The following CCNB3 variants were observed in gnomAD, a reference collection of about 807,000 sequenced individuals.
CCNB3 encodes G2/mitotic-specific cyclin-B3.
In CCNB3, 12 loss-of-function variants were observed where a neutral mutation model predicts 68.0. The observed-to-expected ratio is 0.18, with a 90% CI of 0.11 to 0.29. The LOEUF (loss-of-function observed/expected upper bound fraction) is 0.29, where lower values mean the gene tolerates loss of function less well. CCNB3 is among the 10% of genes least tolerant of loss of function. The probability of loss-of-function intolerance (pLI) is 1.00; values close to 1 mark genes in which losing one functional copy is unlikely to be tolerated. For synonymous variants in CCNB3, 354 were observed against 388.9 expected (o/e 0.91, Z 1.06); for missense variants, 904 against 993.1 (o/e 0.91, Z 1.21).
chrX:50,207,155 A>G (rs76983157), intron 1 of CCNB3, among the ~76,000 whole-genome samples: 2 of 111,881 alleles, frequency 1.8e-5, no homozygotes, highest in Non-Finnish European at 3.8e-5. Flanking sequence ...TTATGAAGAT[A>G]TGTATAGGTT....
At chrX:50,227,837 A>G (rs1489507070) in intron 1 of CCNB3, among the ~76,000 whole-genome samples, 1 of 85,789 alleles carries the variant, frequency 1.2e-5, no homozygotes, top group Admixed American at 1.6e-4. Flanking sequence ...ATAAATATAT[A>G]TAGAGAATAT....
intron 1 of CCNB3, among the ~76,000 whole-genome samples, chrX:50,226,327 G>A (rs1407220796): frequency 3.0e-5 from 1 of 33,053 alleles, no homozygotes; most frequent in Non-Finnish European, 5.2e-5. Flanking sequence ...CATATATATA[G>A]AAATATATAT....
At chrX:50,286,869 C>T (rs1346844370) in intron 3 of CCNB3, among the ~76,000 whole-genome samples, 2 of 110,920 alleles carry the variant, frequency 1.8e-5, no homozygotes, top group Admixed American at 1.9e-4. Context: ...CGAACGGTCT[C>T]AATCACTTGA....
chrX:50,228,475 A>G (rs1300926572), intron 1 of CCNB3, among the ~76,000 whole-genome samples: 2 of 91,814 alleles, frequency 2.2e-5, no homozygotes, highest in Admixed American at 1.4e-4. Context: ...ATATATCTAT[A>G]TAGAATATGT....
chrX:50,209,295 T>G (rs1557206001), intron 1 of CCNB3, among the ~76,000 whole-genome samples: 1 of 111,617 alleles, frequency 9.0e-6, no homozygotes, highest in Non-Finnish European at 1.9e-5. Flanking sequence ...TTAAGAACAC[T>G]TAACATGATA....
In CCNB3 at chrX:50,315,725, C is replaced by T. The variant is rs554424742; in HGVS notation, c.3516+1777C>T. On this transcript the variant is annotated intron_variant, in intron 8 of 12. Transcript: ENST00000376042. ...TTAAGGTACAGAACTGTTCCATCGC[C>T]ACAAGGATCCCTCATGCCACTTTTT... Among the ~76,000 whole-genome samples the T allele has an allele frequency of 3.6e-5, 4 of 111,811 alleles. No homozygotes were observed. In the South Asian group the frequency reaches 1.1e-3, roughly 31 times the overall value.
At chrX:50,294,528 G>A (rs1557210545) in intron 4 of CCNB3, among the ~76,000 whole-genome samples, 1 of 111,476 alleles carries the variant, frequency 9.0e-6, no homozygotes, top group Non-Finnish European at 1.9e-5. Context: ...GGAGTATGAT[G>A]TTAACACGGC....
chrX:50,312,964 A>G (rs1921547191), intron 7 of CCNB3, among the ~76,000 whole-genome samples: 1 of 110,757 alleles, frequency 9.0e-6, no homozygotes, highest in Admixed American at 9.7e-5. Flanking sequence ...CTGTACATCT[A>G]ATTGCTAAGA....
intron 5 of CCNB3, among the ~76,000 whole-genome samples, chrX:50,304,614 C>T (rs574000729): frequency 1.5e-4 from 17 of 111,936 alleles, no homozygotes; most frequent in African/African-American, 4.9e-4. Context: ...ATGTCTAAAA[C>T]ACCAAAAGCA....
intron 8 of CCNB3, among the ~76,000 whole-genome samples, chrX:50,330,635 G>A (rs1557217942): frequency 8.9e-6 from 1 of 112,158 alleles, no homozygotes; most frequent in African/African-American, 3.2e-5. Flanking sequence ...ACAGGGAGTA[G>A]TAAGCAGGTT....
At position 50,308,529 on chromosome X, in the gene CCNB3, A is replaced by G; in HGVS notation, c.360A>G (p.Val120=). The G allele has an allele frequency of 8.3e-7, 1 of 1,203,791 alleles. No individual in the cohort carries two copies. Among genetic ancestry groups the G allele is most frequent in the Non-Finnish European group, 1.1e-6 (1 of 889,874 alleles). ...LKWHKLEVTP[V]VASTTVVPNI... Reference sequence around the variant, plus strand: ...GGCATAAGCTGGAAGTCACACCAGTAGTAGCCTCTACTACCGTGGTACCAA... The same window carrying G: ...GGCATAAGCTGGAAGTCACACCAGTGGTAGCCTCTACTACCGTGGTACCAA... Residue 120 remains valine (V), a synonymous_variant, in exon 6 of 13, where the codon GTA becomes GTG. Coordinates refer to ENST00000376042, the MANE Select transcript of CCNB3 (RefSeq NM_033031.3).
intron 6 of CCNB3, among the ~76,000 whole-genome samples, chrX:50,311,848 T>C (rs1921479229): frequency 9.0e-6 from 1 of 111,063 alleles, no homozygotes. Context: ...GACTTCCTGA[T>C]TGGCACAGTG....
chrX:50,351,520 A>G (rs782427111), intron 12 of CCNB3, 87 bp from the exon 13 acceptor site: 1 of 1,045,450 alleles, frequency 9.6e-7, no homozygotes, highest in Non-Finnish European at 1.3e-6. Context: ...AAGATAGGAA[A>G]CTAAGGGCTG....
Position 50,309,562 on chromosome X carries a change from T to C in CCNB3, c.1393T>C (p.Ser465Pro). The change falls in exon 6 of 13, where the codon TCA becomes CCA. Residue 465 changes from serine to proline, a missense_variant. By Grantham distance (74) the Ser-to-Pro change is moderately conservative. Around this residue, in one of 2 missense-constraint regions of CCNB3, gnomAD observed 619 missense variants for 609.8 expected, o/e 1.02. Transcript: ENST00000376042. ...CTTGCTAAAGTCTCCAACTGAGGAG[T>C]CACCTTTTGATGAGGCTTTGGCTTT... ...SSLLKSPTEE[S>P]PFDEALAFTK... The C allele has an allele frequency of 8.3e-7, 1 of 1,208,886 alleles. No homozygotes were observed. The highest frequency in any genetic ancestry group is 1.8e-5 in the South Asian group (1 of 56,745).
chrX:50,344,065 GCT>G lies in CCNB3; in HGVS notation c.3654+1727_3654+1728del, dbSNP rs1923271209. Among the ~76,000 whole-genome samples the G allele has an allele frequency of 5.4e-5, 6 of 112,105 alleles. 1 individual carries two copies. In the South Asian group the frequency reaches 2.3e-3, roughly 42 times the overall value. On this transcript the variant is annotated intron_variant, in intron 9 of 12. Coordinates refer to ENST00000376042, the MANE Select transcript of CCNB3 (RefSeq NM_033031.3). ...AGTGTACTGGTTTTAAATCTTTTAT[GCT>G]GTATTGTTACTGTACTTTTTCTGTT...
In CCNB3 at chrX:50,226,170, T is replaced by C. The variant is rs1201253801; in HGVS notation, c.-113+21220T>C. Among the ~76,000 whole-genome samples the C allele has an allele frequency of 9.5e-5, 6 of 62,865 alleles. 1 individual carries two copies. The highest frequency in any genetic ancestry group is 3.7e-4 in the African/African-American group (6 of 16,433). The allele number at this position is 62,865 out of a possible 115,157, so 54.6% of individuals were successfully genotyped here. On this transcript the variant is annotated intron_variant, in intron 1 of 12. Coordinates refer to ENST00000376042, the MANE Select transcript of CCNB3 (RefSeq NM_033031.3). ...TCTATATATATGAATATATATCGAA[T>C]ATACATATATAGATATATAAATATA...
chrX:50,300,385 G>A lies in CCNB3; in HGVS notation c.335+5392G>A, dbSNP rs782467542. On this transcript the variant is annotated intron_variant, in intron 5 of 12. Coordinates refer to ENST00000376042, the MANE Select transcript of CCNB3 (RefSeq NM_033031.3). ...CTGTAAAGGATTTTATTTCTCCTTT[G>A]CTTATGAAGCTTAGTTTGGGTGGAT... Among the ~76,000 whole-genome samples, 16 of 110,812 alleles carry A rather than the reference G, an allele frequency of 1.4e-4. No homozygotes were observed. In the South Asian group the frequency reaches 3.9e-3, roughly 27 times the overall value.
chrX:50,227,837 A>ATG (rs2147001254), intron 1 of CCNB3, among the ~76,000 whole-genome samples: 1 of 85,777 alleles, frequency 1.2e-5, no homozygotes, highest in South Asian at 5.3e-4. Flanking sequence ...ATAAATATAT[A>ATG]TAGAGAATAT....
At chrX:50,228,828 A>G (rs1382050238) in intron 1 of CCNB3, among the ~76,000 whole-genome samples, 176 of 76,107 alleles carry the variant, frequency 2.3e-3, no homozygotes, top group African/African-American at 8.6e-3. Flanking sequence ...TATAGAATAT[A>G]TATAGAATAC....
Sources: gnomAD v4.1 joint callset for allele counts (sites outside exome capture counted in the v4.1 genomes callset) on GRCh38, gnomAD v4.1.1 for gene constraint, gnomAD v4.1.1 regional missense constraint, MANE v1.5 for transcripts, NCBI Gene and HGNC (gene_info 2026-07-23, HGNC 2026-07-21) for gene names.